Variants in XRCC1 observed in about 807,000 individuals in gnomAD.
XRCC1 encodes the protein DNA repair protein XRCC1.
Under a neutral mutation model 83.3 loss-of-function variants are expected in XRCC1, and 52 were observed. The observed-to-expected ratio is 0.62, with a 90% CI of 0.50 to 0.79. XRCC1 has a LOEUF of 0.79. Ranked by LOEUF, XRCC1 falls within the 30% of genes least tolerant of loss-of-function variation. The probability of loss-of-function intolerance (pLI) is 0.00; values close to 1 mark genes in which losing one functional copy is unlikely to be tolerated. For synonymous variants in XRCC1, 281 were observed against 312.6 expected (o/e 0.90, Z 1.07); for missense variants, 793 against 823.5 (o/e 0.96, Z 0.45).
intron 10 of XRCC1, among the ~76,000 whole-genome samples, chr19:43,548,785 A>AAAAAAAAAAAAAAAAAAC (rs1600044829): frequency 7.0e-6 from 1 of 142,352 alleles, no homozygotes; most frequent in Admixed American, 7.0e-5. Context: ...AAAAAAAAAA[A>AAAAAAAAAAAAAAAAAAC]ACACAACAGT....
intron 2 of XRCC1, among the ~76,000 whole-genome samples, chr19:43,564,232 T>C (rs1972729641): frequency 6.6e-6 from 1 of 152,160 alleles, no homozygotes; most frequent in Non-Finnish European, 1.5e-5. Context: ...GCATTCCCAA[T>C]GGATGTACAG....
At chr19:43,550,859 C>A (rs551839409) in intron 10 of XRCC1, among the ~76,000 whole-genome samples, 34 of 152,224 alleles carry the variant, frequency 2.2e-4, no homozygotes, top group Admixed American at 5.2e-4. Flanking sequence ...TGCACTGTTA[C>A]AACAATTCTG....
chr19:43,558,829 CTT>C (rs1233920680), intron 3 of XRCC1, among the ~76,000 whole-genome samples: 10 of 142,520 alleles, frequency 7.0e-5, no homozygotes, highest in South Asian at 2.2e-4. Context: ...AAAGGCAAGT[CTT>C]TTTTTTTTTT....
chr19:43,544,334 G>A (rs1972486987), intron 14 of XRCC1, 100 bp from the exon 15 acceptor site: 1 of 1,007,758 alleles, frequency 9.9e-7, no homozygotes, highest in Admixed American at 2.2e-5. Context: ...GGAGAGGGCT[G>A]TCCACATGTG....
intron 10 of XRCC1, among the ~76,000 whole-genome samples, chr19:43,551,367 C>T (rs1972572374): frequency 6.6e-6 from 1 of 152,140 alleles, no homozygotes; most frequent in Non-Finnish European, 1.5e-5. Flanking sequence ...GCAGGCTTCA[C>T]AGAGCCCTCT....
At chr19:43,567,442 G>T (rs1972764941) in intron 2 of XRCC1, among the ~76,000 whole-genome samples, 1 of 152,052 alleles carries the variant, frequency 6.6e-6, no homozygotes, top group Admixed American at 6.6e-5. Context: ...CTCCCGAATA[G>T]CTGGGACTAC....
In XRCC1 at chr19:43,543,338, C is replaced by T; in HGVS notation, c.*54G>A. On this transcript the variant is annotated 3_prime_UTR_variant, in exon 17 of 17. Coordinates refer to ENST00000262887, the MANE Select transcript of XRCC1 (RefSeq NM_006297.3). ...AGAACCAACTCATCTTTATTAAATG[C>T]ATCGTGTGTGTGTGTGTGTGTGTGT... is the stretch of plus-strand genomic sequence containing the variant. The T allele has an allele frequency of 1.6e-6, 2 of 1,257,038 alleles. No homozygotes were observed. Among genetic ancestry groups the T allele is most frequent in the Non-Finnish European group, 2.2e-6 (2 of 911,832 alleles). The allele number at this position is 1,257,038 out of a possible 1,614,324, so 77.9% of individuals were successfully genotyped here.
At position 43,553,186 on chromosome 19, in the gene XRCC1, C is replaced by T. The variant is rs1972600221; in HGVS notation, c.602-95G>A. Reference sequence around the variant, plus strand: ...GACACAGAATATTGTTGCCAAAACCCACCAGTGATCCAGGAGTCCCAGCCT... The same window carrying T: ...GACACAGAATATTGTTGCCAAAACCTACCAGTGATCCAGGAGTCCCAGCCT... On this transcript the variant is annotated intron_variant, in intron 6 of 16. Transcript: ENST00000262887. 1.0e-5 allele frequency: 14 copies of T among 1,358,650 alleles called. No homozygotes were observed. In the South Asian group the frequency reaches 1.1e-4, roughly 10 times the overall value. The allele number at this position is 1,358,650 out of a possible 1,614,324, so 84.2% of individuals were successfully genotyped here.
rs1163298675 is a variant in XRCC1, at chr19:43,554,781, G to C, written c.279C>G (p.Phe93Leu). ...DYEVLLVTSS[F>L]MSPSESRSGS... is the part of the protein sequence containing the mutation. The stretch of plus-strand genomic sequence containing the variant: ...CACTGCGGCTCTCGGAAGGGGACAT[G>C]AAAGATGAGGTGACCAGAAGGACCT... Residue 93 changes from phenylalanine to leucine, a missense_variant, in exon 4 of 17, where the codon TTC (phenylalanine) becomes TTG (leucine). Physicochemically the swap from Phe to Leu is conservative, Grantham distance 22 (BLOSUM62 0). Coordinates refer to ENST00000262887, the MANE Select transcript of XRCC1 (RefSeq NM_006297.3). 1 of 1,612,572 alleles carries C rather than the reference G, an allele frequency of 6.2e-7. No individual in the cohort carries two copies. Among genetic ancestry groups the C allele is most frequent in the Non-Finnish European group, 8.5e-7 (1 of 1,178,910 alleles).
intron 2 of XRCC1, among the ~76,000 whole-genome samples, chr19:43,573,172 G>A (rs1972821427): frequency 6.6e-6 from 1 of 151,874 alleles, no homozygotes; most frequent in South Asian, 2.1e-4. Flanking sequence ...GGGTTCAAGC[G>A]ATTCACCCAC....
chr19:43,551,776 GAGACAGAC>G (rs981995782), intron 9 of XRCC1, 89 bp from the exon 10 acceptor site: 8 of 1,115,094 alleles, frequency 7.2e-6, no homozygotes, highest in Middle Eastern at 2.3e-4. Context: ...GAGAGAGAGA[GAGACAGAC>G]AGACAGACAG....
intron 10 of XRCC1, among the ~76,000 whole-genome samples, chr19:43,548,511 C>T (rs1231163210): frequency 2.0e-5 from 3 of 152,176 alleles, no homozygotes; most frequent in Non-Finnish European, 2.9e-5. Flanking sequence ...GTTGTGTCCA[C>T]TCAGGGTTAA....
intron 2 of XRCC1, among the ~76,000 whole-genome samples, chr19:43,568,692 G>A (rs943826432): frequency 6.6e-6 from 1 of 150,516 alleles, no homozygotes; most frequent in South Asian, 2.1e-4. Flanking sequence ...GACCCAGGAA[G>A]ACCACCCAAA....
intron 10 of XRCC1, among the ~76,000 whole-genome samples, chr19:43,548,779 A>AAAAAAAAAAACAAAAC (rs1213062759): frequency 7.1e-6 from 1 of 141,638 alleles, no homozygotes; most frequent in African/African-American, 2.6e-5. Context: ...AAAAAAAAAA[A>AAAAAAAAAAACAAAAC]AAAAAAACAC....
intron 15 of XRCC1, 99 bp from the exon 16 acceptor site, chr19:43,543,786 C>T: frequency 2.7e-6 from 3 of 1,124,796 alleles, no homozygotes; most frequent in Non-Finnish European, 3.9e-6. Flanking sequence ...ACACTGTCCC[C>T]ACCTATGCGC....
At chr19:43,558,946 A>T (rs767244510) in intron 3 of XRCC1, among the ~76,000 whole-genome samples, 2 of 151,734 alleles carry the variant, frequency 1.3e-5, no homozygotes, top group Non-Finnish European at 2.9e-5. Context: ...AAGACCAGCC[A>T]GGCAATGTAG....
chr19:43,559,844 C>G (rs2146060150), intron 3 of XRCC1, among the ~76,000 whole-genome samples: 1 of 152,022 alleles, frequency 6.6e-6, no homozygotes, highest in East Asian at 1.9e-4. Flanking sequence ...CTTTGGGAGG[C>G]TGGGGTGGGT....
intron 10 of XRCC1, among the ~76,000 whole-genome samples, chr19:43,547,388 G>C (rs1050301715): frequency 6.6e-6 from 1 of 151,612 alleles, no homozygotes; most frequent in African/African-American, 2.4e-5. Context: ...GTTTCACCAT[G>C]TTGGCCAGGA....
At chr19:43,560,186 C>A (rs1600054722) in intron 3 of XRCC1, among the ~76,000 whole-genome samples, 1 of 150,522 alleles carries the variant, frequency 6.6e-6, no homozygotes, top group Non-Finnish European at 1.5e-5. Context: ...GTCAGGAGTT[C>A]GAGACCAGCC....
Sources: gnomAD v4.1 joint callset for allele counts (sites outside exome capture counted in the v4.1 genomes callset) on GRCh38, gnomAD v4.1.1 for gene constraint, MANE v1.5 for transcripts, NCBI Gene and HGNC (gene_info 2026-07-23, HGNC 2026-07-21) for gene names.